Variants in IARS1 observed in about 807,000 individuals in gnomAD.
IARS1 encodes isoleucyl-tRNA synthetase 1.
IARS1 carries 124 observed loss-of-function variants against 168.2 expected under a neutral mutation model. The observed-to-expected ratio is 0.74, with a 90% CI of 0.64 to 0.86. The LOEUF (loss-of-function observed/expected upper bound fraction) is 0.86, where lower values mean the gene tolerates loss of function less well. Among genes scored for constraint, IARS1 ranks in the 40% least tolerant of loss-of-function variants. IARS1 has a pLI of 0.00. For synonymous variants in IARS1, 532 were observed against 529.4 expected (o/e 1.00, Z -0.07); for missense variants, 1,452 against 1,515.8 (o/e 0.96, Z 0.70).
At chr9:92,279,902 T>C (rs561289631) in intron 7 of IARS1, among the ~76,000 whole-genome samples, 1 of 152,358 alleles carries the variant, frequency 6.6e-6, no homozygotes, top group Non-Finnish European at 1.5e-5. Flanking sequence ...ATCTGTCTTT[T>C]GGTGACTGGC....
intron 31 of IARS1, among the ~76,000 whole-genome samples, chr9:92,228,058 G>A (rs920324940): frequency 7.9e-5 from 12 of 152,132 alleles, no homozygotes; most frequent in African/African-American, 2.9e-4. Flanking sequence ...TGAGCACTGA[G>A]TGAACGAGAC....
At chr9:92,213,235 G>C (rs1838065174) in intron 33 of IARS1, among the ~76,000 whole-genome samples, 1 of 152,090 alleles carries the variant, frequency 6.6e-6, no homozygotes, top group Non-Finnish European at 1.5e-5. Context: ...TAAAGAGCTA[G>C]GAAAGCAGGG....
At chr9:92,268,701 G>A (rs149911792) in intron 13 of IARS1, among the ~76,000 whole-genome samples, 1 of 152,342 alleles carries the variant, frequency 6.6e-6, no homozygotes, top group African/African-American at 2.4e-5. Context: ...AGCTGCTCTA[G>A]CAGCCCTCTC....
chr9:92,220,827 C>G (rs1210215688), intron 33 of IARS1, among the ~76,000 whole-genome samples: 2 of 151,646 alleles, frequency 1.3e-5, no homozygotes, highest in East Asian at 3.9e-4. Flanking sequence ...ATTAGCTGGG[C>G]ATGGTGGCGC....
intron 26 of IARS1, 94 bp downstream of exon 26, chr9:92,247,283 G>A: frequency 8.7e-7 from 1 of 1,148,924 alleles, no homozygotes; most frequent in Non-Finnish European, 1.3e-6. Flanking sequence ...GGACAGGAAA[G>A]GAAAGGATGT....
At position 92,286,551 on chromosome 9, in the gene IARS1, A is replaced by C; in HGVS notation, c.464T>G (p.Phe155Cys). ...DNDYKTLYPQ[F>C]MESVWWVFKQ... The stretch of plus-strand genomic sequence containing the variant: ...ATAAACCTACCAGACTGATTCCATG[A>C]ATTGTGGATACAGAGTTTTATAGTC... The change falls in exon 5 of 34, where the codon TTC becomes TGC. Residue 155 changes from phenylalanine to cysteine, a missense_variant. By Grantham distance (205) the Phe-to-Cys change is radical (BLOSUM62 -2). Coordinates refer to ENST00000443024, the MANE Select transcript of IARS1 (RefSeq NM_002161.6). 6.3e-7 allele frequency: 1 copy of C among 1,580,786 alleles called. No individual in the cohort carries two copies. Among genetic ancestry groups the C allele is most frequent in the South Asian group, 1.1e-5 (1 of 90,046 alleles).
intron 28 of IARS1, 160 bp from the exon 29 acceptor site, chr9:92,242,490 C>G (rs1347607688): frequency 1.7e-6 from 1 of 604,522 alleles, no homozygotes; most frequent in Non-Finnish European, 2.9e-6. Flanking sequence ...ACTAACTGCA[C>G]TCAGTACATG....
chr9:92,223,619 G>A, intron 31 of IARS1, 130 bp from the exon 32 acceptor site: 1 of 734,064 alleles, frequency 1.4e-6, no homozygotes, highest in Non-Finnish European at 2.2e-6. Context: ...TGTTTATCAA[G>A]AGACATTGCC....
chr9:92,280,006 T>C (rs1042305058), intron 7 of IARS1, among the ~76,000 whole-genome samples: 1 of 152,244 alleles, frequency 6.6e-6, no homozygotes, highest in Non-Finnish European at 1.5e-5. Context: ...TATTCCACTG[T>C]ACGTAAATAC....
Position 92,250,873 on chromosome 9 carries a change from G to A in IARS1, c.2308-39C>T, listed in dbSNP as rs780037357. 3.2e-6 allele frequency: 5 copies of A among 1,564,594 alleles called. No individual in the cohort carries two copies. In the African/African-American group the frequency reaches 6.8e-5, roughly 21 times the overall value. ...CAGGACATCATGTCAGTTATATGCA[G>A]TCATCAACAACTGATCTCATTTATA... On this transcript the variant is annotated intron_variant, in intron 22 of 33. Transcript: ENST00000443024.
chr9:92,215,576 A>G (rs1838530487), intron 33 of IARS1, among the ~76,000 whole-genome samples: 1 of 151,508 alleles, frequency 6.6e-6, no homozygotes, highest in African/African-American at 2.4e-5. Context: ...GAAGTGCTTA[A>G]AGGAGCTGAT....
At chr9:92,214,615 C>A (rs1406017794) in intron 33 of IARS1, among the ~76,000 whole-genome samples, 1 of 152,228 alleles carries the variant, frequency 6.6e-6, no homozygotes, top group Non-Finnish European at 1.5e-5. Flanking sequence ...TTGGGAAGTG[C>A]AAGGGGTCAG....
intron 6 of IARS1, among the ~76,000 whole-genome samples, chr9:92,283,176 G>A (rs1834907909): frequency 6.6e-6 from 1 of 152,192 alleles, no homozygotes. Context: ...GCGTAGAATA[G>A]AGGTCAGCAA....
intron 30 of IARS1, among the ~76,000 whole-genome samples, chr9:92,235,651 T>C (rs567709948): frequency 2.0e-5 from 3 of 151,536 alleles, no homozygotes; most frequent in African/African-American, 7.3e-5. Flanking sequence ...CCTACTCTCC[T>C]GAGTAGCTGG....
chr9:92,262,982 G>A lies in IARS1; in HGVS notation c.1774C>T (p.Leu592Phe). The A allele has an allele frequency of 6.2e-7, 1 of 1,613,462 alleles. No individual in the cohort carries two copies. Among genetic ancestry groups the A allele is most frequent in the South Asian group, 1.1e-5 (1 of 91,072 alleles). ...AAGTTGACCTACCTTGCCAGGACAA[G>A]CCCATTCACAATTACGTTCTTGAAA... Reference protein sequence around the residue: ...PPFKNVIVNGLVLASDGQKMS... With the variant: ...PPFKNVIVNGFVLASDGQKMS... The change falls in exon 17 of 34, where the codon CTT becomes TTT. Residue 592 changes from leucine to phenylalanine, a missense_variant. Coordinates refer to ENST00000443024, the MANE Select transcript of IARS1 (RefSeq NM_002161.6).
chr9:92,262,960 T>A lies in IARS1; in HGVS notation c.1787+9A>T, dbSNP rs374373612. ...AGTTCCACCCGTCACTACAACAAAG[T>A]TGACCTACCTTGCCAGGACAAGCCC... is the stretch of plus-strand genomic sequence containing the variant. On this transcript the variant is annotated intron_variant, in intron 17 of 33. Coordinates refer to ENST00000443024, the MANE Select transcript of IARS1 (RefSeq NM_002161.6). The A allele has an allele frequency of 6.2e-7, 1 of 1,609,088 alleles. No homozygotes were observed. The highest frequency in any genetic ancestry group is 2.2e-5 in the East Asian group (1 of 44,848).
At chr9:92,227,538 C>T (rs1457977354) in intron 31 of IARS1, among the ~76,000 whole-genome samples, 4 of 150,598 alleles carry the variant, frequency 2.7e-5, no homozygotes, top group Admixed American at 6.6e-5. Context: ...ACCTCCCGGA[C>T]GGGGCGGCTG....
At chr9:92,251,211 T>G in intron 22 of IARS1, 1 of 461,054 alleles carries the variant, frequency 2.2e-6, no homozygotes, top group Non-Finnish European at 4.3e-6. Flanking sequence ...AGATCAGGCA[T>G]GGAGAGCACC....
chr9:92,288,090 A>G (rs761291482), intron 3 of IARS1, 36 bp downstream of exon 3: 1 of 1,588,516 alleles, frequency 6.3e-7, no homozygotes, highest in Non-Finnish European at 8.5e-7. Flanking sequence ...TTATAAAAAA[A>G]ATCAGAAAAT....
Sources: allele counts gnomAD v4.1 joint callset (sites outside exome capture counted in the v4.1 genomes callset), GRCh38; gene constraint gnomAD v4.1.1; transcripts MANE v1.5; gene names NCBI Gene and HGNC (gene_info 2026-07-23, HGNC 2026-07-21).